Variants in SATB2 observed in about 807,000 individuals in gnomAD.
The protein encoded by SATB2 is DNA-binding protein SATB2.
Under a neutral mutation model 73.4 loss-of-function variants are expected in SATB2, and 1 was observed. The ratio of observed to expected loss-of-function variants is 0.01; its 90% CI spans 0.00 to 0.06. The LOEUF is 0.06. Ranked by LOEUF, SATB2 falls within the 10% of genes least tolerant of loss-of-function variation. The pLI, the probability that SATB2 is intolerant of heterozygous loss-of-function variation, is 1.00. For missense variants in SATB2, 459 were observed against 945.8 expected (o/e 0.49, Z 6.75); for synonymous variants, 397 against 367.0 (o/e 1.08, Z -0.93).
Position 199,426,369 on chromosome 2 carries a change from A to T in SATB2, c.346+6969T>A, listed in dbSNP as rs191920739. 1.8e-4 allele frequency among the ~76,000 whole-genome samples: 28 copies of T among 151,924 alleles called. No homozygotes were observed. The East Asian group carries it at 4.8e-3, about 26-fold the overall frequency. ...AGTGGCACAATCTCAGCTCACTATAACCTCCTCCTCCCGGGTTCAAGTGAT... is the reference window on the plus strand; with the variant it reads ...AGTGGCACAATCTCAGCTCACTATATCCTCCTCCTCCCGGGTTCAAGTGAT... On this transcript the variant is annotated intron_variant, in intron 3 of 10. Coordinates refer to ENST00000417098, the MANE Select transcript of SATB2 (RefSeq NM_001172509.2).
intron 2 of SATB2, among the ~76,000 whole-genome samples, chr2:199,448,804 T>C (rs1032040905): frequency 6.6e-6 from 1 of 152,182 alleles, no homozygotes; most frequent in Non-Finnish European, 1.5e-5. Flanking sequence ...AATTTTTTGA[T>C]CTTTTTTGTT....
chr2:199,282,090 C>T (rs533216249), intron 10 of SATB2, among the ~76,000 whole-genome samples: 31 of 152,124 alleles, frequency 2.0e-4, no homozygotes, highest in African/African-American at 7.0e-4. Context: ...ACCATGTTAG[C>T]CAGGATGGTC....
chr2:199,461,199 G>A (rs773246611), upstream of SATB2, among the ~76,000 whole-genome samples: 7 of 152,154 alleles, frequency 4.6e-5, no homozygotes, highest in African/African-American at 7.2e-5. Flanking sequence ...TGTCCGGTGT[G>A]GGTTTTTGTC....
intron 7 of SATB2, among the ~76,000 whole-genome samples, chr2:199,343,963 G>A (rs2105816347): frequency 6.6e-6 from 1 of 152,196 alleles, no homozygotes; most frequent in Non-Finnish European, 1.5e-5. Context: ...TAGACAAAAA[G>A]GATTATATGG....
rs571978155 is a variant in SATB2, at chr2:199,352,001, C to T, written c.701-2828G>A. 3.3e-5 allele frequency among the ~76,000 whole-genome samples: 5 copies of T among 152,246 alleles called. No individual in the cohort carries two copies. In the South Asian group the frequency reaches 1.0e-3, roughly 32 times the overall value. On this transcript the variant is annotated intron_variant, in intron 6 of 10. Coordinates refer to ENST00000417098, the MANE Select transcript of SATB2 (RefSeq NM_001172509.2). ...TTCTCGTGCTCAGCCTTCCGAGTAA[C>T]TGGGATTACAGGCATATGCCGCCAC...
chr2:199,334,298 G>A (rs1469717162), intron 7 of SATB2, among the ~76,000 whole-genome samples: 3 of 152,106 alleles, frequency 2.0e-5, no homozygotes, highest in Non-Finnish European at 4.4e-5. Context: ...TTAATTCTGG[G>A]ATGACACTCA....
chr2:199,372,298 T>C (rs1689472986), intron 5 of SATB2, among the ~76,000 whole-genome samples: 1 of 152,170 alleles, frequency 6.6e-6, no homozygotes, highest in African/African-American at 2.4e-5. Flanking sequence ...CAAACTGTAT[T>C]AGAATTTTCT....
intron 6 of SATB2, among the ~76,000 whole-genome samples, chr2:199,354,734 T>C (rs543312127): frequency 3.3e-5 from 5 of 152,280 alleles, no homozygotes; most frequent in African/African-American, 1.2e-4. Flanking sequence ...TTCCTTCAAG[T>C]TTCCTGGGAC....
chr2:199,273,902 A>C (rs1413401474), intron 10 of SATB2, among the ~76,000 whole-genome samples: 1 of 152,086 alleles, frequency 6.6e-6, no homozygotes, highest in Non-Finnish European at 1.5e-5. Context: ...GTGGAGGGGG[A>C]GATGGAACAT....
chr2:199,276,978 A>G (rs560917227), intron 10 of SATB2, among the ~76,000 whole-genome samples: 2 of 152,370 alleles, frequency 1.3e-5, no homozygotes, highest in South Asian at 4.1e-4. Context: ...ACCGAGCAGT[A>G]GGAAAAATGA....
At chr2:199,302,288 A>G (rs1295374971) in intron 10 of SATB2, among the ~76,000 whole-genome samples, 1 of 152,222 alleles carries the variant, frequency 6.6e-6, no homozygotes, top group East Asian at 1.9e-4. Context: ...CAAGATGAAA[A>G]TAACTGTCTC....
At chr2:199,402,112 C>A (rs1306177331) in intron 3 of SATB2, among the ~76,000 whole-genome samples, 1 of 152,008 alleles carries the variant, frequency 6.6e-6, no homozygotes, top group Non-Finnish European at 1.5e-5. Context: ...ATTGGCTGGG[C>A]ACGGTGGCTC....
At chr2:199,351,211 T>C (rs1018168890) in intron 6 of SATB2, among the ~76,000 whole-genome samples, 2 of 151,074 alleles carry the variant, frequency 1.3e-5, no homozygotes. Context: ...GCCCAGGCTA[T>C]AGTGCAATGG....
intron 10 of SATB2, among the ~76,000 whole-genome samples, chr2:199,282,463 G>A (rs1692554630): frequency 6.6e-6 from 1 of 152,114 alleles, no homozygotes; most frequent in Non-Finnish European, 1.5e-5. Context: ...TTCAAATCCA[G>A]TTTCTACTGC....
At chr2:199,440,595 C>T (rs1331219084) in intron 2 of SATB2, among the ~76,000 whole-genome samples, 1 of 152,160 alleles carries the variant, frequency 6.6e-6, no homozygotes, top group Non-Finnish European at 1.5e-5. Flanking sequence ...ACCCACAGGT[C>T]CACAGGTGGA....
intron 7 of SATB2, among the ~76,000 whole-genome samples, chr2:199,344,679 C>T (rs1006682928): frequency 1.3e-5 from 2 of 152,180 alleles, no homozygotes; most frequent in Non-Finnish European, 2.9e-5. Flanking sequence ...CGCTGAAGAC[C>T]GTTACCAAAC....
chr2:199,339,038 A>G (rs1312100454), intron 7 of SATB2, among the ~76,000 whole-genome samples: 1 of 152,142 alleles, frequency 6.6e-6, no homozygotes, highest in Non-Finnish European at 1.5e-5. Flanking sequence ...TCTTTTACAT[A>G]CAAGTCTCTA....
intron 10 of SATB2, among the ~76,000 whole-genome samples, chr2:199,293,477 A>G (rs1692933166): frequency 6.6e-6 from 1 of 152,136 alleles, no homozygotes; most frequent in African/African-American, 2.4e-5. Context: ...AGTATTTTCT[A>G]TTCAGAAGTT....
chr2:199,352,582 C>T (rs895787480), intron 6 of SATB2, among the ~76,000 whole-genome samples: 18 of 152,076 alleles, frequency 1.2e-4, no homozygotes, highest in African/African-American at 3.9e-4. Flanking sequence ...ATATTACATC[C>T]GTAGTAACAC....
Sources: gnomAD v4.1 joint callset for allele counts (sites outside exome capture counted in the v4.1 genomes callset) on GRCh38, gnomAD v4.1.1 for gene constraint, MANE v1.5 for transcripts, NCBI Gene and HGNC (gene_info 2026-07-23, HGNC 2026-07-21) for gene names.